Variants in DISC1 observed in about 807,000 individuals in gnomAD.
DISC1 encodes DISC1 scaffold protein.
A neutral mutation model predicts 84.5 loss-of-function variants in DISC1; 57 were observed. The ratio of observed to expected loss-of-function variants is 0.67; its 90% CI spans 0.55 to 0.84. The LOEUF (loss-of-function observed/expected upper bound fraction) is 0.84, where lower values mean the gene tolerates loss of function less well. Among genes scored for constraint, DISC1 ranks in the 40% least tolerant of loss-of-function variants. The pLI is 0.00. For missense variants in DISC1, 1,000 were observed against 1,057.8 expected, an observed-to-expected ratio of 0.95 and a Z score of 0.76; for synonymous variants, 411 against 415.2, an observed-to-expected ratio of 0.99 and a Z score of 0.12.
At chr1:231,803,299 CT>C (rs1241982750) in intron 8 of DISC1, among the ~76,000 whole-genome samples, 6 of 152,182 alleles carry the variant, frequency 3.9e-5, no homozygotes, top group Non-Finnish European at 7.3e-5. Flanking sequence ...TTCTTAAGGT[CT>C]GAATTCAGAC....
At position 231,681,754 on chromosome 1, in the gene DISC1, G is replaced by A. The variant is rs1267763510; in HGVS notation, c.68-12072G>A. Among the ~76,000 whole-genome samples the A allele has an allele frequency of 2.0e-5, 3 of 151,902 alleles. No homozygotes were observed. The East Asian group carries it at 5.8e-4, about 29-fold the overall frequency. The stretch of plus-strand genomic sequence containing the variant: ...CTTGTTGCCCAGGCTGGAGTGCAAT[G>A]GCACGATCTTGGCTCACTGCAACCT... On this transcript the variant is annotated intron_variant, in intron 1 of 12. Transcript: ENST00000439617.
At position 232,023,107 on chromosome 1, in the gene DISC1, T is replaced by C. The variant is rs949200003; in HGVS notation, c.2308-3328T>C. On this transcript the variant is annotated intron_variant, in intron 11 of 12. Transcript: ENST00000439617. ...AATTAGGGTTTTTGATAACTTTTTT[T>C]CCAAATTTTAGGGATGTTAAAGGTT... Among the ~76,000 whole-genome samples, 7 of 149,920 alleles carry C rather than the reference T, an allele frequency of 4.7e-5. No homozygotes were observed. The East Asian group carries it at 7.9e-4, about 17-fold the overall frequency.
intron 1 of DISC1, among the ~76,000 whole-genome samples, chr1:231,659,058 C>T (rs1020960092): frequency 1.8e-4 from 28 of 152,098 alleles, no homozygotes; most frequent in African/African-American, 6.0e-4. Flanking sequence ...CAAAATGATA[C>T]CCCTTTTTCT....
At chr1:231,967,217 T>A (rs1363474417) in intron 10 of DISC1, among the ~76,000 whole-genome samples, 1 of 152,196 alleles carries the variant, frequency 6.6e-6, no homozygotes. Context: ...GTCTGTTCCC[T>A]CACCCAAGGC....
At chr1:231,780,254 AAAG>A (rs2077315352) in intron 6 of DISC1, among the ~76,000 whole-genome samples, 1 of 150,630 alleles carries the variant, frequency 6.6e-6, no homozygotes, top group Non-Finnish European at 1.5e-5. Flanking sequence ...AAAAAAAAGA[AAAG>A]GAAAGAATGA....
chr1:232,012,335 C>T (rs190531470), intron 11 of DISC1, among the ~76,000 whole-genome samples: 64 of 152,198 alleles, frequency 4.2e-4, no homozygotes, highest in Admixed American at 3.1e-3. Context: ...AAAGGTTTAA[C>T]GAAGGAAAAC....
At position 231,794,742 on chromosome 1, in the gene DISC1, T is replaced by C. The variant is rs559797374; in HGVS notation, c.1635-500T>C. 2.0e-5 allele frequency among the ~76,000 whole-genome samples: 3 copies of C among 151,088 alleles called. No individual in the cohort carries two copies. The East Asian group carries it at 5.9e-4, about 30-fold the overall frequency. Reference sequence around the variant, plus strand: ...GGAGAAAAGAGAAGCAGGAGAAGGCTAAGGGGGTGCTATCTCAGACATACT... The same window carrying C: ...GGAGAAAAGAGAAGCAGGAGAAGGCCAAGGGGGTGCTATCTCAGACATACT... On this transcript the variant is annotated intron_variant, in intron 6 of 12. Coordinates refer to ENST00000439617, the MANE Select transcript of DISC1 (RefSeq NM_018662.3).
chr1:231,715,116 C>A (rs560746821), intron 3 of DISC1, among the ~76,000 whole-genome samples: 1 of 152,258 alleles, frequency 6.6e-6, no homozygotes, highest in East Asian at 1.9e-4. Context: ...ACTCCTTGGA[C>A]CAATGACCAT....
intron 10 of DISC1, among the ~76,000 whole-genome samples, chr1:231,969,462 C>T (rs1192080949): frequency 1.3e-5 from 2 of 151,946 alleles, no homozygotes; most frequent in African/African-American, 2.4e-5. Flanking sequence ...GAGGATTTCC[C>T]ATCACTTCTG....
At chr1:231,868,692 TTA>T (rs58636016) in intron 9 of DISC1, among the ~76,000 whole-genome samples, 405 of 108,702 alleles carry the variant, frequency 3.7e-3, no homozygotes, top group African/African-American at 8.3e-3. Flanking sequence ...ACCCCATCTC[TTA>T]TATATATATA....
intron 9 of DISC1, among the ~76,000 whole-genome samples, chr1:231,907,837 T>A (rs1043400315): frequency 3.9e-5 from 6 of 152,218 alleles, no homozygotes; most frequent in African/African-American, 1.4e-4. Flanking sequence ...CCAGTACCTG[T>A]TGTTTCCTGA....
At position 231,754,876 on chromosome 1, in the gene DISC1, TATC is replaced by T. The variant is rs374880185; in HGVS notation, c.1268+4804_1268+4806del. Among the ~76,000 whole-genome samples, 342 of 152,322 alleles carry T rather than the reference TATC, an allele frequency of 2.2e-3. 3 individuals carry two copies. The highest frequency in any genetic ancestry group is 7.9e-3 in the African/African-American group (327 of 41,582). ...TTAACTGTTGGCTTACTTTATGAGC[TATC>T]ATCCTCTTTCCTTTTCCTTACAGGA... On this transcript the variant is annotated intron_variant, in intron 4 of 12. Coordinates refer to ENST00000439617, the MANE Select transcript of DISC1 (RefSeq NM_018662.3).
At chr1:231,943,884 TG>T (rs1187427553) in intron 9 of DISC1, 1 of 152,018 alleles carries the variant, frequency 6.6e-6, no homozygotes, top group Non-Finnish European at 1.5e-5. Flanking sequence ...CCACTACAGC[TG>T]GATAATTTTT....
intron 1 of DISC1, 95 bp from the exon 2 acceptor site, chr1:231,693,731 A>C: frequency 1.3e-6 from 2 of 1,587,624 alleles, no homozygotes; most frequent in Non-Finnish European, 1.7e-6. Flanking sequence ...GTACTGAGAG[A>C]TGACCTTTAA....
chr1:231,715,734 C>A (rs1220685782), intron 3 of DISC1, among the ~76,000 whole-genome samples: 1 of 152,160 alleles, frequency 6.6e-6, no homozygotes, highest in Non-Finnish European at 1.5e-5. Context: ...CTGGGATAGT[C>A]AGTACTAAAA....
rs779100521 is a variant in DISC1 at position 232,009,118 on chromosome 1, A to T, written c.2307+69A>T. The stretch of plus-strand genomic sequence containing the variant: ...AGGGGTGCTTTGGGACCATGCTCCA[A>T]ATGGGAACAATAAATATTGGGAAGG... On this transcript the variant is annotated intron_variant, in intron 11 of 12. Transcript: ENST00000439617. This position sits in a 1 kb window ranked among gnomAD's most constrained non-coding sequence, Gnocchi z 4.6. The T allele has an allele frequency of 1.8e-5, 29 of 1,603,764 alleles. No individual in the cohort carries two copies. Among genetic ancestry groups the T allele is most frequent in the Middle Eastern group, 1.7e-4 (1 of 6,016 alleles).
intron 1 of DISC1, among the ~76,000 whole-genome samples, chr1:231,637,230 G>T (rs1203906583): frequency 6.6e-6 from 1 of 152,160 alleles, no homozygotes; most frequent in Non-Finnish European, 1.5e-5. Flanking sequence ...TTGGTTCTAA[G>T]TCTTTGCTAT....
At position 231,728,792 on chromosome 1, in the gene DISC1, A is replaced by G. The variant is rs182129267; in HGVS notation, c.1118-21134A>G. ...AGTACTTCTAAAATGTGTCCTGCAG[A>G]GCCTTCTACAGTGTATCTTTCGGCT... On this transcript the variant is annotated intron_variant, in intron 3 of 12. Coordinates refer to ENST00000439617, the MANE Select transcript of DISC1 (RefSeq NM_018662.3). Among the ~76,000 whole-genome samples the G allele has an allele frequency of 2.4e-4, 36 of 150,012 alleles. No homozygotes were observed. The East Asian group carries it at 6.7e-3, about 28-fold the overall frequency.
intron 11 of DISC1, among the ~76,000 whole-genome samples, chr1:232,023,928 C>A (rs751421051): frequency 4.6e-5 from 7 of 151,938 alleles, no homozygotes; most frequent in Admixed American, 6.6e-5. Context: ...TGTGTGATGA[C>A]GGTGTTGCTC....
Sources: allele counts gnomAD v4.1 joint callset (sites outside exome capture counted in the v4.1 genomes callset), GRCh38; gene constraint gnomAD v4.1.1; non-coding constraint Gnocchi (gnomAD v3.1); transcripts MANE v1.5; gene names NCBI Gene and HGNC (gene_info 2026-07-23, HGNC 2026-07-21).